The following GSK3B variants were observed in gnomAD, a reference collection of about 807,000 sequenced individuals.
The protein encoded by GSK3B is glycogen synthase kinase-3 beta.
GSK3B carries 15 observed loss-of-function variants against 56.4 expected under a neutral mutation model. The ratio of observed to expected loss-of-function variants is 0.27; its 90% confidence interval spans 0.18 to 0.41. GSK3B has a LOEUF of 0.41. Ranked by LOEUF, GSK3B falls within the 10% of genes least tolerant of loss-of-function variation. The pLI is 1.00. For synonymous variants in GSK3B, 181 were observed against 188.9 expected (o/e 0.96, Z 0.34); for missense variants, 300 against 513.4 (o/e 0.58, Z 4.02).
At chr3:120,049,324 T>G (rs2058128223) in intron 1 of GSK3B, among the ~76,000 whole-genome samples, 1 of 152,192 alleles carries the variant, frequency 6.6e-6, no homozygotes, top group Admixed American at 6.5e-5. Context: ...AGGCCTGGCC[T>G]GGGTGGTTTT....
chr3:119,857,139 G>T (rs187678161), intron 9 of GSK3B, among the ~76,000 whole-genome samples: 246 of 152,292 alleles, frequency 1.6e-3, no homozygotes, highest in Non-Finnish European at 3.0e-3. Flanking sequence ...TGGGTGGAGG[G>T]TCTTATACCT....
chr3:120,056,050 C>A (rs895882564), intron 1 of GSK3B, among the ~76,000 whole-genome samples: 3 of 152,112 alleles, frequency 2.0e-5, no homozygotes, highest in Non-Finnish European at 4.4e-5. Context: ...CCAGAGGGTA[C>A]ACATCATGTG....
chr3:120,015,217 T>C (rs543564520), intron 1 of GSK3B, among the ~76,000 whole-genome samples: 1 of 152,356 alleles, frequency 6.6e-6, no homozygotes, highest in African/African-American at 2.4e-5. Flanking sequence ...CTTCAAATTA[T>C]TAGCAGTGGA....
chr3:119,985,862 AG>A (rs1409399474), intron 2 of GSK3B, among the ~76,000 whole-genome samples: 2 of 152,220 alleles, frequency 1.3e-5, no homozygotes, highest in Non-Finnish European at 1.5e-5. Flanking sequence ...ATCAAAAAAG[AG>A]CCTGAATTGC....
intron 3 of GSK3B, among the ~76,000 whole-genome samples, chr3:119,931,669 C>T (rs1019702295): frequency 1.3e-5 from 2 of 151,720 alleles, no homozygotes; most frequent in Non-Finnish European, 2.9e-5. Flanking sequence ...TTTAAAAAAC[C>T]TAAATAGAAC....
chr3:120,042,291 A>G (rs1010635867), intron 1 of GSK3B, among the ~76,000 whole-genome samples: 1 of 152,160 alleles, frequency 6.6e-6, no homozygotes, highest in Non-Finnish European at 1.5e-5. Context: ...AACAGGCACT[A>G]AAGAGAGCTC....
At position 119,947,248 on chromosome 3, in the gene GSK3B, A is replaced by G; in HGVS notation, c.366+20T>C. ...ACAAATTTATCACAATATTCAGTAC[A>G]CACTTTGTGTCAAACCTACCTTCTC... On this transcript the variant is annotated intron_variant, in intron 3 of 10. Coordinates refer to ENST00000264235, the MANE Select transcript of GSK3B (RefSeq NM_001146156.2). 1 of 1,290,314 alleles carries G rather than the reference A, an allele frequency of 7.8e-7. No individual in the cohort carries two copies. The highest frequency in any genetic ancestry group is 1.8e-4 in the Middle Eastern group (1 of 5,474). 79.9% of individuals were successfully genotyped at this position (1,290,314 alleles called of 1,614,324 possible). A position where few individuals can be genotyped will look rare whatever the true frequency, so the allele number is the denominator to read the frequency against.
At position 119,853,780 on chromosome 3, in the gene GSK3B, G is replaced by A. The variant is rs138286290; in HGVS notation, c.1096+9639C>T. On this transcript the variant is annotated intron_variant, in intron 9 of 10. Coordinates refer to ENST00000264235, the MANE Select transcript of GSK3B (RefSeq NM_001146156.2). The stretch of plus-strand genomic sequence containing the variant: ...TTTTGACATTGATTTTGTATCCTGA[G>A]ACTTTGCTGAAATTGCTTATCAGCT... 4.3e-4 allele frequency among the ~76,000 whole-genome samples: 66 copies of A among 152,278 alleles called. No individual in the cohort carries two copies. In the East Asian group the frequency reaches 0.012, roughly 27 times the overall value.
intron 7 of GSK3B, among the ~76,000 whole-genome samples, chr3:119,881,548 C>A (rs965605821): frequency 5.3e-5 from 8 of 152,286 alleles, no homozygotes; most frequent in South Asian, 2.1e-4. Flanking sequence ...ATTTGTTGTA[C>A]AGCCATCCTC....
chr3:119,949,551 G>A (rs2057133766), intron 2 of GSK3B, among the ~76,000 whole-genome samples: 1 of 152,154 alleles, frequency 6.6e-6, no homozygotes, highest in African/African-American at 2.4e-5. Context: ...TAAGTTCAGA[G>A]AGGTAGGAGT....
chr3:120,012,470 A>AG (rs1206798023), intron 1 of GSK3B, among the ~76,000 whole-genome samples: 1 of 152,218 alleles, frequency 6.6e-6, no homozygotes, highest in African/African-American at 2.4e-5. Flanking sequence ...AGCAGGAACT[A>AG]GTTCAGCTTC....
chr3:120,083,759 T>C (rs1253603726), intron 1 of GSK3B, among the ~76,000 whole-genome samples: 2 of 152,102 alleles, frequency 1.3e-5, no homozygotes, highest in African/African-American at 4.8e-5. Context: ...ACAACCCAAA[T>C]GTCCATCAAC....
At chr3:120,008,193 AAGG>A (rs1388739090) in intron 1 of GSK3B, among the ~76,000 whole-genome samples, 1 of 152,248 alleles carries the variant, frequency 6.6e-6, no homozygotes, top group African/African-American at 2.4e-5. Context: ...GGACTTCTTC[AAGG>A]AGAACTACAA....
chr3:120,082,689 C>T (rs1396827710), intron 1 of GSK3B, among the ~76,000 whole-genome samples: 2 of 151,776 alleles, frequency 1.3e-5, no homozygotes, highest in African/African-American at 2.4e-5. Context: ...CCACCGCGCC[C>T]GGCCCCCAAA....
chr3:119,968,625 TA>T (rs1337526757), intron 2 of GSK3B, among the ~76,000 whole-genome samples: 2 of 151,924 alleles, frequency 1.3e-5, no homozygotes, highest in African/African-American at 2.4e-5. Context: ...TAAAGTACAA[TA>T]AAAAACTCTA....
chr3:119,874,172 A>G lies in GSK3B; in HGVS notation c.909+2241T>C, dbSNP rs533981879. Among the ~76,000 whole-genome samples, 14 of 152,242 alleles carry G rather than the reference A, an allele frequency of 9.2e-5. 1 individual carries two copies. The South Asian group carries it at 2.5e-3, about 27-fold the overall frequency. On this transcript the variant is annotated intron_variant, in intron 8 of 10. Coordinates refer to ENST00000264235, the MANE Select transcript of GSK3B (RefSeq NM_001146156.2). ...TACTTGCGTTAGAGAGATATAATTC[A>G]GGGGGAAAATGCAGAATTTGACACA... is the stretch of plus-strand genomic sequence containing the variant.
intron 1 of GSK3B, among the ~76,000 whole-genome samples, chr3:120,087,715 C>T (rs1242752465): frequency 2.6e-5 from 4 of 152,098 alleles, no homozygotes; most frequent in Non-Finnish European, 5.9e-5. Context: ...TACATCATTA[C>T]TTCAAGTGAT....
intron 1 of GSK3B, among the ~76,000 whole-genome samples, chr3:120,038,060 C>T (rs1274591039): frequency 6.6e-6 from 1 of 152,144 alleles, no homozygotes; most frequent in Non-Finnish European, 1.5e-5. Flanking sequence ...AATACATTTA[C>T]ATACAAGGAA....
intron 7 of GSK3B, among the ~76,000 whole-genome samples, chr3:119,883,759 T>C (rs2056404372): frequency 6.6e-6 from 1 of 152,110 alleles, no homozygotes; most frequent in African/African-American, 2.4e-5. Context: ...GTAATTTAAA[T>C]CTTATCAGTG....
Sources: allele counts gnomAD v4.1 joint callset (sites outside exome capture counted in the v4.1 genomes callset), GRCh38; gene constraint gnomAD v4.1.1; transcripts MANE v1.5; gene names NCBI Gene and HGNC (gene_info 2026-07-23, HGNC 2026-07-21).